Variants in KDM5D observed in about 807,000 individuals in gnomAD.
KDM5D encodes the protein lysine-specific demethylase 5D.
In KDM5D, 25 loss-of-function variants were observed where a neutral mutation model predicts 31.9. That is an observed-to-expected ratio of 0.78 (90% CI 0.57 to 1.09). The LOEUF is 1.09. Ranked by LOEUF, KDM5D falls within the 50% of genes least tolerant of loss-of-function variation. The pLI, the probability that KDM5D is intolerant of heterozygous loss-of-function variation, is 0.00. For missense variants in KDM5D, 366 were observed against 341.6 expected, an observed-to-expected ratio of 1.07 and a Z score of -0.56; for synonymous variants, 146 against 122.3, an observed-to-expected ratio of 1.19 and a Z score of -1.28.
intron 6 of KDM5D, among the ~76,000 whole-genome samples, chrY:19,735,952 T>C (rs2045509254): frequency 3.0e-5 from 1 of 33,446 alleles, no homozygotes; most frequent in South Asian, 6.7e-4. Context: ...AAGTAATGAA[T>C]TTCCTCAACT....
At chrY:19,737,149 G>A (rs2045516967) in intron 6 of KDM5D, among the ~76,000 whole-genome samples, 1 of 33,452 alleles carries the variant, frequency 3.0e-5, no homozygotes, top group African/African-American at 1.2e-4. Flanking sequence ...ATTAAGACTC[G>A]GGCACAAATC....
At chrY:19,717,990 T>C in intron 13 of KDM5D, among the ~76,000 whole-genome samples, 1 of 33,770 alleles carries the variant, frequency 3.0e-5, no homozygotes, top group Non-Finnish European at 7.3e-5. Flanking sequence ...AAAATGCAAA[T>C]CAAAACCACA....
chrY:19,737,621 G>C (rs772470371), intron 6 of KDM5D, among the ~76,000 whole-genome samples: 1 of 33,246 alleles, frequency 3.0e-5, no homozygotes, highest in African/African-American at 1.2e-4. Flanking sequence ...TAAAAGAGCT[G>C]GTATTTGCTT....
intron 13 of KDM5D, among the ~76,000 whole-genome samples, chrY:19,717,492 G>A: frequency 3.1e-5 from 1 of 32,633 alleles, no homozygotes; most frequent in Non-Finnish European, 7.5e-5. Flanking sequence ...TTAAAATGGG[G>A]TGGTGGGGGT....
intron 19 of KDM5D, 46 bp downstream of exon 19, chrY:19,710,330 G>A: frequency 2.8e-6 from 1 of 360,301 alleles, no homozygotes; most frequent in South Asian, 3.3e-5. Context: ...GACTTCCTGA[G>A]TATTTGCTGT....
chrY:19,713,089 T>C (rs2045310063), intron 18 of KDM5D, among the ~76,000 whole-genome samples: 1 of 33,790 alleles, frequency 3.0e-5, no homozygotes, highest in South Asian at 6.6e-4. Context: ...CTAATTAGTA[T>C]ATCCTGTTGA....
chrY:19,744,228 T>G (rs2124227261), intron 2 of KDM5D, among the ~76,000 whole-genome samples, 157 bp downstream of exon 2: 1 of 33,848 alleles, frequency 3.0e-5, no homozygotes, highest in Non-Finnish European at 7.3e-5. Context: ...GATACTAATA[T>G]TCTGATGCCA....
chrY:19,716,419 C>T lies in KDM5D; in HGVS notation c.1891G>A (p.Val631Ile). ...CAGATGAGCTCCTCGTGGGAGAAGA[C>T]ACAATAGCGCCGGAGCCGGCGGTAG... ...EHYRRLRRYC[V>I]FSHEELICKM... The change falls in exon 15 of 27, where the codon GTC (valine) becomes ATC (isoleucine). Residue 631 changes from valine to isoleucine, a missense_variant. Transcript: ENST00000317961. 2.5e-6 allele frequency: 1 copy of T among 398,180 alleles called. No homozygotes were observed. Among genetic ancestry groups the T allele is most frequent in the African/African-American group, 6.2e-5 (1 of 16,036 alleles).
At chrY:19,728,130 A>T (rs749013173) in intron 11 of KDM5D, among the ~76,000 whole-genome samples, 179 of 33,012 alleles carry the variant, frequency 5.4e-3, no homozygotes, top group African/African-American at 0.021. Flanking sequence ...CACATTCCAC[A>T]CATCAAGAAA....
At chrY:19,713,719 C>T in intron 18 of KDM5D, among the ~76,000 whole-genome samples, 1 of 33,234 alleles carries the variant, frequency 3.0e-5, no homozygotes, top group Non-Finnish European at 7.4e-5. Flanking sequence ...ATTAGTTCAA[C>T]CATTGTGGAA....
intron 5 of KDM5D, among the ~76,000 whole-genome samples, chrY:19,740,482 T>A (rs938541698): frequency 2.1e-4 from 7 of 32,776 alleles, no homozygotes; most frequent in Admixed American, 1.7e-3. Flanking sequence ...GAGAATCACT[T>A]CAATCCAGGA....
chrY:19,730,694 A>G, intron 11 of KDM5D, among the ~76,000 whole-genome samples: 1 of 32,889 alleles, frequency 3.0e-5, no homozygotes, highest in East Asian at 7.7e-4. Context: ...AACGTCATAG[A>G]GTATACTCAC....
rs2045216509 is a variant in KDM5D, at chrY:19,703,902, C to T, written c.*2093G>A. ...AAGTTTTATTACAATTTTTTTAAAC[C>T]AAGATTCAATTTTTTTCTGAATTAG... On this transcript the variant is annotated 3_prime_UTR_variant, in exon 27 of 27. Transcript: ENST00000317961. The T allele has an allele frequency of 3.0e-5, 1 of 33,876 alleles. No individual in the cohort carries two copies. Among genetic ancestry groups the T allele is most frequent in the Non-Finnish European group, 7.3e-5 (1 of 13,637 alleles). 8.5% of individuals were successfully genotyped at this position (33,876 alleles called of 400,897 possible). A position where few individuals can be genotyped will look rare whatever the true frequency, so the allele number is the denominator to read the frequency against.
intron 18 of KDM5D, among the ~76,000 whole-genome samples, chrY:19,714,644 A>G: frequency 2.9e-5 from 1 of 33,970 alleles, no homozygotes; most frequent in South Asian, 6.6e-4. Context: ...GCAGGTTTGC[A>G]GGCTAGGAAC....
intron 18 of KDM5D, among the ~76,000 whole-genome samples, chrY:19,713,846 C>T (rs2124184581): frequency 3.0e-5 from 1 of 33,327 alleles, no homozygotes; most frequent in Non-Finnish European, 7.4e-5. Flanking sequence ...GACATATGCA[C>T]GTGTTATGTT....
intron 13 of KDM5D, among the ~76,000 whole-genome samples, chrY:19,719,697 C>G: frequency 6.1e-5 from 2 of 32,857 alleles, no homozygotes; most frequent in Non-Finnish European, 1.5e-4. Flanking sequence ...AACCAAGAAG[C>G]TCAGTGCACT....
rs761000916 is a variant in KDM5D at position 19,721,338 on chromosome Y, G to T, written c.1372-27C>A. 23 of 351,262 alleles carry T rather than the reference G, an allele frequency of 6.5e-5. No homozygotes were observed. The South Asian group carries it at 7.1e-4, about 11-fold the overall frequency. The allele number at this position is 351,262 out of a possible 400,897, so 87.6% of individuals were successfully genotyped here. A position where few individuals can be genotyped will look rare whatever the true frequency, so the allele number is the denominator to read the frequency against. On this transcript the variant is annotated intron_variant, in intron 11 of 26. Coordinates refer to ENST00000317961, the MANE Select transcript of KDM5D (RefSeq NM_004653.5). ...TGTTGGGTCAGAGATTTGCCAGAGT[G>T]AGTAGGGAGTAGGATACGATGAGGA...
Position 19,706,837 on chromosome Y carries a change from G to A in KDM5D, c.4026C>T (p.Asp1342=). The change falls in exon 25 of 27, where the codon GAC becomes GAT. Residue 1342 remains aspartate, a synonymous_variant. Transcript: ENST00000317961. Reference sequence around the variant, plus strand: ...CCATGTTCTCAGGACTGGTCACACTGTCTCCATTCTCCAGCAGCCCTTGGA... The same window carrying A: ...CCATGTTCTCAGGACTGGTCACACTATCTCCATTCTCCAGCAGCCCTTGGA... The part of the protein sequence containing the change: ...SKVQGLLENG[D]SVTSPENMAP... 5.0e-6 allele frequency: 2 copies of A among 397,449 alleles called. No individual in the cohort carries two copies. The highest frequency in any genetic ancestry group is 6.2e-5 in the African/African-American group (1 of 16,199).
chrY:19,740,711 T>C (rs2045543145), intron 5 of KDM5D, among the ~76,000 whole-genome samples: 1 of 33,293 alleles, frequency 3.0e-5, no homozygotes, highest in African/African-American at 1.2e-4. Context: ...CAGCCAGGCA[T>C]GGTGGCTCCC....
Sources: gnomAD v4.1 joint callset for allele counts (sites outside exome capture counted in the v4.1 genomes callset) on GRCh38, gnomAD v4.1.1 for gene constraint, MANE v1.5 for transcripts, NCBI Gene and HGNC (gene_info 2026-07-23, HGNC 2026-07-21) for gene names.